CCDC91: variants seen among roughly 807,000 people sequenced by gnomAD.
CCDC91 encodes coiled-coil domain-containing protein 91.
Under a neutral mutation model 63.2 loss-of-function variants are expected in CCDC91, and 48 were observed. That is an observed-to-expected ratio of 0.76 (90% confidence interval 0.60 to 0.97). The LOEUF is 0.97. Ranked by LOEUF, CCDC91 falls within the 50% of genes least tolerant of loss-of-function variation. CCDC91 has a pLI of 0.00. For synonymous variants in CCDC91, 167 were observed against 165.8 expected (o/e 1.01, Z -0.06); for missense variants, 500 against 494.6 (o/e 1.01, Z -0.10).
chr12:28,190,718 G>A (rs1044241566), intron 1 of CCDC91, 77 bp downstream of exon 1: 7 of 150,076 alleles, frequency 4.7e-5, no homozygotes, highest in Non-Finnish European at 9.0e-5. Flanking sequence ...CGCCCCACCG[G>A]GGGAGGAGCG....
At chr12:28,358,964 C>T (rs567754865) in intron 6 of CCDC91, among the ~76,000 whole-genome samples, 50 of 152,236 alleles carry the variant, frequency 3.3e-4, no homozygotes, top group Non-Finnish European at 5.6e-4. Context: ...GGCGCGATCT[C>T]GGCTCACCGC....
intron 8 of CCDC91, among the ~76,000 whole-genome samples, chr12:28,428,297 G>T (rs573723021): frequency 1.3e-5 from 2 of 151,818 alleles, no homozygotes; most frequent in Non-Finnish European, 2.9e-5. Context: ...TTGGCCACGC[G>T]TAGTGGCTCA....
At chr12:28,528,308 G>A (rs1941448775) in intron 12 of CCDC91, among the ~76,000 whole-genome samples, 1 of 152,110 alleles carries the variant, frequency 6.6e-6, no homozygotes, top group Admixed American at 6.6e-5. Context: ...TTTGCATGTT[G>A]CTTCCTCTAC....
intron 8 of CCDC91, among the ~76,000 whole-genome samples, chr12:28,420,322 TTAAA>T (rs1018209984): frequency 6.6e-6 from 1 of 152,182 alleles, no homozygotes; most frequent in Admixed American, 6.6e-5. Flanking sequence ...CAGGTTTAGA[TTAAA>T]TGGATATGTT....
intron 7 of CCDC91, among the ~76,000 whole-genome samples, chr12:28,375,223 GA>G (rs1424486399): frequency 6.6e-6 from 1 of 151,848 alleles, no homozygotes; most frequent in African/African-American, 2.4e-5. Context: ...GATGCAGTGA[GA>G]AAAATGAATA....
At chr12:28,489,951 G>GT (rs927504468) in intron 12 of CCDC91, among the ~76,000 whole-genome samples, 2 of 151,988 alleles carry the variant, frequency 1.3e-5, no homozygotes, top group East Asian at 3.9e-4. Flanking sequence ...AAATATAGAA[G>GT]TTTGACTAGC....
intron 12 of CCDC91, among the ~76,000 whole-genome samples, chr12:28,493,540 A>G (rs1319748470): frequency 6.6e-6 from 1 of 151,682 alleles, no homozygotes; most frequent in Non-Finnish European, 1.5e-5. Context: ...TTAGAGGGAC[A>G]GAACTTACAT....
chr12:28,415,244 A>G (rs1947570313), intron 8 of CCDC91, among the ~76,000 whole-genome samples: 1 of 147,144 alleles, frequency 6.8e-6, no homozygotes, highest in Non-Finnish European at 1.5e-5. Flanking sequence ...TTTTTTTGAG[A>G]TGGAGTTTTG....
chr12:28,443,132 G>T (rs11049605), intron 8 of CCDC91, among the ~76,000 whole-genome samples: 32,791 of 57,834 alleles, frequency 0.57, 4,320 homozygotes, highest in Non-Finnish European at 0.58. Flanking sequence ...CTCATGGTTT[G>T]AATTTTTTTC....
intron 12 of CCDC91, among the ~76,000 whole-genome samples, chr12:28,531,357 T>C (rs1160117856): frequency 8.5e-5 from 13 of 152,184 alleles, no homozygotes; most frequent in Non-Finnish European, 1.5e-4. Flanking sequence ...AAATTTTTTA[T>C]AAATTTCAAA....
intron 6 of CCDC91, 128 bp from the exon 7 acceptor site, chr12:28,362,310 T>A: frequency 2.0e-6 from 1 of 497,258 alleles, no homozygotes; most frequent in Non-Finnish European, 3.7e-6. Flanking sequence ...TCTCTTTGTT[T>A]CCAGCTGTAG....
Position 28,434,114 on chromosome 12 carries a change from A to G in CCDC91, c.763-16047A>G, listed in dbSNP as rs1316582104. On this transcript the variant is annotated intron_variant, in intron 8 of 12. Coordinates refer to ENST00000536442, the MANE Select transcript of CCDC91 (RefSeq NM_018318.5). Reference sequence around the variant, plus strand: ...TTGTTGATTCTTTGGGATTTTTTATATAGACAGTCATGTCTTTTGTGAACA... The same window carrying G: ...TTGTTGATTCTTTGGGATTTTTTATGTAGACAGTCATGTCTTTTGTGAACA... Among the ~76,000 whole-genome samples the G allele has an allele frequency of 4.6e-5, 7 of 151,742 alleles. No homozygotes were observed. In the East Asian group the frequency reaches 1.3e-3, roughly 29 times the overall value.
chr12:28,393,261 A>G (rs548582668), intron 8 of CCDC91, among the ~76,000 whole-genome samples: 5 of 152,086 alleles, frequency 3.3e-5, no homozygotes, highest in Non-Finnish European at 7.4e-5. Flanking sequence ...AGTAGCAAAT[A>G]GTTACAGTTA....
At chr12:28,481,975 AAT>A (rs950076594) in intron 11 of CCDC91, among the ~76,000 whole-genome samples, 3 of 151,892 alleles carry the variant, frequency 2.0e-5, no homozygotes, top group African/African-American at 7.2e-5. Context: ...GCTTTTAGTT[AAT>A]ATGTTTCTTA....
At chr12:28,337,785 TTTTTG>T (rs1040825704) in intron 6 of CCDC91, among the ~76,000 whole-genome samples, 1 of 152,114 alleles carries the variant, frequency 6.6e-6, no homozygotes, top group African/African-American at 2.4e-5. Flanking sequence ...TATCAGGTAG[TTTTTG>T]TTTTGTTTTT....
intron 6 of CCDC91, among the ~76,000 whole-genome samples, chr12:28,317,345 T>G (rs1216930388): frequency 1.3e-5 from 2 of 152,046 alleles, no homozygotes; most frequent in Non-Finnish European, 2.9e-5. Context: ...TTAAAGGGAA[T>G]TATGTGTGGT....
chr12:28,307,770 AT>A, intron 6 of CCDC91, 21 bp downstream of exon 6: 1 of 1,267,032 alleles, frequency 7.9e-7, no homozygotes. Context: ...TGAACTTAAG[AT>A]TTAAAATGTA....
intron 7 of CCDC91, among the ~76,000 whole-genome samples, chr12:28,386,889 G>GCGCCGAATAATA (rs1945636730): frequency 6.6e-6 from 1 of 151,954 alleles, no homozygotes; most frequent in Non-Finnish European, 1.5e-5. Flanking sequence ...AATGCTTTAT[G>GCGCCGAATAATA]GGTGTTTAGA....
chr12:28,394,593 T>G (rs1273635820), intron 8 of CCDC91, among the ~76,000 whole-genome samples: 2 of 152,156 alleles, frequency 1.3e-5, no homozygotes, highest in Non-Finnish European at 2.9e-5. Context: ...TAAGATGCCA[T>G]TTGAAATGAA....
Sources: gnomAD v4.1 joint callset for allele counts (sites outside exome capture counted in the v4.1 genomes callset) on GRCh38, gnomAD v4.1.1 for gene constraint, MANE v1.5 for transcripts, NCBI Gene and HGNC (gene_info 2026-07-23, HGNC 2026-07-21) for gene names.